FCER1A: variants seen among roughly 807,000 people sequenced by gnomAD.
FCER1A encodes the protein Fc epsilon receptor Ia, also known as high affinity immunoglobulin epsilon receptor subunit alpha.
In FCER1A, 24 loss-of-function variants were observed where a neutral mutation model predicts 23.6. That is an observed-to-expected ratio of 1.02 (90% confidence interval 0.74 to 1.43). The LOEUF is 1.43. FCER1A is among the 40% of genes most tolerant of loss of function. The probability of loss-of-function intolerance (pLI) is 0.00; values close to 1 mark genes in which losing one functional copy is unlikely to be tolerated. For synonymous variants in FCER1A, 121 were observed against 108.8 expected (o/e 1.11, Z -0.70); for missense variants, 318 against 294.5 (o/e 1.08, Z -0.58).
At position 159,306,208 on chromosome 1, in the gene FCER1A, CTA is replaced by C; in HGVS notation, c.554_555del (p.Tyr185Ter). 6.2e-7 allele frequency: 1 copy of C among 1,614,098 alleles called. No individual in the cohort carries two copies. The highest frequency in any genetic ancestry group is 1.1e-5 in the South Asian group (1 of 91,078). The part of the protein sequence containing the change: ...YCTGKVWQLD[Y>X]ESEPLNITVI... ...GTACGGGCAAAGTGTGGCAGCTGGA[CTA>C]TGAGTCTGAGCCCCTCAACATTACT... On this transcript the variant is annotated frameshift_variant, in exon 4 of 5. Coordinates refer to ENST00000693622, the MANE Select transcript of FCER1A (RefSeq NM_001387280.1). LOFTEE classifies it low-confidence loss of function (END_TRUNC).
chr1:159,294,171 G>A (rs909098662), intron 1 of FCER1A, among the ~76,000 whole-genome samples: 1 of 152,138 alleles, frequency 6.6e-6, no homozygotes, highest in Non-Finnish European at 1.5e-5. Context: ...CCATTCCTCA[G>A]GGATCTAGAA....
intron 1 of FCER1A, among the ~76,000 whole-genome samples, chr1:159,293,692 T>C (rs1652219019): frequency 6.6e-6 from 1 of 151,942 alleles, no homozygotes; most frequent in African/African-American, 2.4e-5. Flanking sequence ...TGATTTCCAA[T>C]TTCATCCATG....
At chr1:159,288,199 A>G (rs1230119975), upstream of FCER1A, among the ~76,000 whole-genome samples, 2 of 152,212 alleles carry the variant, frequency 1.3e-5, no homozygotes, top group African/African-American at 4.8e-5. Context: ...AAAAATGAAT[A>G]CATTCACATA....
intron 1 of FCER1A, 143 bp downstream of exon 1, chr1:159,302,562 G>A (rs984742029): frequency 1.5e-5 from 11 of 735,600 alleles, no homozygotes; most frequent in African/African-American, 1.0e-4. Context: ...CTGTAGTGGA[G>A]CCAAGCTAGA....
chr1:159,302,628 G>C (rs200624480), intron 1 of FCER1A, among the ~76,000 whole-genome samples: 1 of 152,154 alleles, frequency 6.6e-6, no homozygotes, highest in Non-Finnish European at 1.5e-5. Flanking sequence ...CTGAAAGCTT[G>C]GTTCCTTGCA....
chr1:159,286,032 A>G (rs1652006110), upstream of FCER1A, among the ~76,000 whole-genome samples: 1 of 151,894 alleles, frequency 6.6e-6, no homozygotes, highest in African/African-American at 2.4e-5. Context: ...TCTACCAAAA[A>G]TACAAAAATT....
chr1:159,290,323 G>A (rs1476922925), intron 1 of FCER1A, among the ~76,000 whole-genome samples: 1 of 152,054 alleles, frequency 6.6e-6, no homozygotes, highest in Non-Finnish European at 1.5e-5. Flanking sequence ...GCCACACAAT[G>A]GAGGCTAACT....
At chr1:159,298,042 C>A (rs553088697), upstream of FCER1A, among the ~76,000 whole-genome samples, 2 of 152,270 alleles carry the variant, frequency 1.3e-5, no homozygotes, top group Non-Finnish European at 2.9e-5. Flanking sequence ...GCCCTTTGGG[C>A]TTCTTGGCTG....
intron 1 of FCER1A, among the ~76,000 whole-genome samples, chr1:159,291,966 T>C (rs1322891732): frequency 6.6e-6 from 1 of 152,166 alleles, no homozygotes; most frequent in African/African-American, 2.4e-5. Context: ...TCCTCTAGAA[T>C]TGTACTCTCT....
upstream of FCER1A, among the ~76,000 whole-genome samples, chr1:159,297,410 GCTCT>G (rs1363104815): frequency 6.6e-6 from 1 of 152,102 alleles, no homozygotes; most frequent in Non-Finnish European, 1.5e-5. Context: ...GGGAAAGGAG[GCTCT>G]CTCTCTGCTG....
At chr1:159,306,270 G>C (rs764845080) in intron 4 of FCER1A, 25 bp downstream of exon 4, 2 of 1,606,864 alleles carry the variant, frequency 1.2e-6, no homozygotes, top group South Asian at 2.2e-5. Flanking sequence ...GAAAGGAAAA[G>C]CATCCATAGC....
Position 159,302,996 on chromosome 1 carries a change from A to G in FCER1A, c.76+122A>G, listed in dbSNP as rs550191583. The G allele has an allele frequency of 3.1e-6, 3 of 954,164 alleles. No individual in the cohort carries two copies. The South Asian group carries it at 3.9e-5, about 12-fold the overall frequency. 59.1% of individuals were successfully genotyped at this position (954,164 alleles called of 1,614,324 possible). On this transcript the variant is annotated intron_variant, in intron 2 of 4. Coordinates refer to ENST00000693622, the MANE Select transcript of FCER1A (RefSeq NM_001387280.1). Reference sequence around the variant, plus strand: ...GAGCATGAATCTGTTCCTTGGCCAGACTACTTTCCCTCTCCACCTTGCCTT... The same window carrying G: ...GAGCATGAATCTGTTCCTTGGCCAGGCTACTTTCCCTCTCCACCTTGCCTT...
chr1:159,297,882 A>AT (rs1261399358), upstream of FCER1A, among the ~76,000 whole-genome samples: 2 of 151,898 alleles, frequency 1.3e-5, no homozygotes, highest in South Asian at 4.1e-4. Flanking sequence ...CTCAAAAAAA[A>AT]TTTTTTTTAA....
At chr1:159,296,302 G>A (rs987110033) in intron 1 of FCER1A, among the ~76,000 whole-genome samples, 1 of 152,006 alleles carries the variant, frequency 6.6e-6, no homozygotes, top group African/African-American at 2.4e-5. Flanking sequence ...TTTTTAATCA[G>A]TAAAATTCCC....
chr1:159,303,911 T>C lies in FCER1A; in HGVS notation c.77-17T>C. 6.3e-7 allele frequency: 1 copy of C among 1,598,582 alleles called. No homozygotes were observed. Among genetic ancestry groups the C allele is most frequent in the Non-Finnish European group, 8.5e-7 (1 of 1,171,600 alleles). On this transcript the variant is annotated splice_polypyrimidine_tract_variant and intron_variant, in intron 2 of 4. Transcript: ENST00000693622. ...TTTTCTCTCTACATGTCTTTTCATA[T>C]TTTTATCTTCTTGAAGTCCCTCAGA...
At chr1:159,305,870 G>T (rs1652588565) in intron 3 of FCER1A, 118 bp from the exon 4 acceptor site, 2 of 892,754 alleles carry the variant, frequency 2.2e-6, no homozygotes, top group East Asian at 5.3e-5. Flanking sequence ...GAGCCAAAAA[G>T]TGAGTTAATG....
chr1:159,286,534 A>C (rs369129125), upstream of FCER1A, among the ~76,000 whole-genome samples: 1 of 151,998 alleles, frequency 6.6e-6, no homozygotes, highest in Non-Finnish European at 1.5e-5. Context: ...GGGTTTCACC[A>C]TGTTAGCCAG....
At chr1:159,289,277 A>G (rs1443092516), upstream of FCER1A, among the ~76,000 whole-genome samples, 2 of 152,234 alleles carry the variant, frequency 1.3e-5, no homozygotes, top group African/African-American at 4.8e-5. Flanking sequence ...TGAAGGACTC[A>G]TCAACTAGCC....
rs1652514998 is a variant in FCER1A, at chr1:159,303,868, A to C, written c.77-60A>C. ...GCTTCGTTTGTACTTTTAAGCCTAG[A>C]CAGTTTTCAATGACTTTTTTTCTCT... On this transcript the variant is annotated intron_variant, in intron 2 of 4. Coordinates refer to ENST00000693622, the MANE Select transcript of FCER1A (RefSeq NM_001387280.1). 5 of 1,347,416 alleles carry C rather than the reference A, an allele frequency of 3.7e-6. No individual in the cohort carries two copies. In the South Asian group the frequency reaches 6.5e-5, roughly 18 times the overall value. 83.5% of individuals were successfully genotyped at this position (1,347,416 alleles called of 1,614,324 possible). A position where few individuals can be genotyped will look rare whatever the true frequency, so the allele number is the denominator to read the frequency against.
Sources: gnomAD v4.1 joint callset for allele counts (sites outside exome capture counted in the v4.1 genomes callset) on GRCh38, gnomAD v4.1.1 for gene constraint, MANE v1.5 for transcripts, NCBI Gene and HGNC (gene_info 2026-07-23, HGNC 2026-07-21) for gene names.